RSPO2: variants seen among roughly 807,000 people sequenced by gnomAD.
The protein encoded by RSPO2 is R-spondin 2.
Under a neutral mutation model 30.9 loss-of-function variants are expected in RSPO2, and 14 were observed. The observed-to-expected ratio is 0.45, with a 90% CI of 0.30 to 0.71. RSPO2 has a LOEUF of 0.71. RSPO2 is among the 30% of genes least tolerant of loss of function. The pLI is 0.08. For missense variants in RSPO2, 264 were observed against 301.9 expected (o/e 0.87, Z 0.93); for synonymous variants, 107 against 96.4 (o/e 1.11, Z -0.64).
At chr8:107,972,477 T>G (rs1397850439) in intron 3 of RSPO2, among the ~76,000 whole-genome samples, 1 of 152,108 alleles carries the variant, frequency 6.6e-6, no homozygotes, top group Non-Finnish European at 1.5e-5. Context: ...ATAGCATAAT[T>G]CTGTAACAAA....
chr8:108,037,711 T>C (rs1429178438), intron 2 of RSPO2, among the ~76,000 whole-genome samples: 2 of 152,204 alleles, frequency 1.3e-5, no homozygotes, highest in Non-Finnish European at 2.9e-5. Context: ...TGATTTGAAG[T>C]GGAGGCCAAT....
At chr8:108,015,255 A>G (rs2130596973) in intron 2 of RSPO2, among the ~76,000 whole-genome samples, 1 of 152,274 alleles carries the variant, frequency 6.6e-6, no homozygotes, top group African/African-American at 2.4e-5. Context: ...GCCTTAGGGG[A>G]AAAAATAACC....
At chr8:107,917,813 T>C (rs80049483) in intron 5 of RSPO2, among the ~76,000 whole-genome samples, 4,511 of 152,290 alleles carry the variant, frequency 0.03, 94 homozygotes, top group Non-Finnish European at 0.044. Flanking sequence ...ATAGTTATAA[T>C]TGTTATGTAA....
intron 5 of RSPO2, among the ~76,000 whole-genome samples, chr8:107,926,449 C>A (rs191087466): frequency 2.6e-5 from 4 of 151,222 alleles, no homozygotes; most frequent in Non-Finnish European, 5.9e-5. Context: ...CCATTGCTTT[C>A]GGTGTTTTAG....
At position 107,910,228 on chromosome 8, in the gene RSPO2, C is replaced by T. The variant is rs899210727; in HGVS notation, c.617-9038G>A. Among the ~76,000 whole-genome samples the T allele has an allele frequency of 4.6e-5, 7 of 152,124 alleles. No individual in the cohort carries two copies. In the East Asian group the frequency reaches 1.3e-3, roughly 29 times the overall value. Reference sequence around the variant, plus strand: ...TTGGTCTTAAATCAATAACCATTAACTAAATGAAAAACAAAAAGTAGTAGC... The same window carrying T: ...TTGGTCTTAAATCAATAACCATTAATTAAATGAAAAACAAAAAGTAGTAGC... On this transcript the variant is annotated intron_variant, in intron 5 of 5. Transcript: ENST00000276659.
At chr8:108,049,801 C>T (rs1432119043) in intron 2 of RSPO2, among the ~76,000 whole-genome samples, 2 of 152,086 alleles carry the variant, frequency 1.3e-5, no homozygotes, top group Non-Finnish European at 2.9e-5. Flanking sequence ...TCCAGTCTGT[C>T]ATTAATGGGC....
At chr8:108,045,845 G>T (rs1811894064) in intron 2 of RSPO2, among the ~76,000 whole-genome samples, 1 of 152,162 alleles carries the variant, frequency 6.6e-6, no homozygotes, top group Admixed American at 6.5e-5. Context: ...CTGCCACAGA[G>T]TCGACACTCC....
chr8:107,999,832 G>C (rs1340958699), intron 2 of RSPO2, among the ~76,000 whole-genome samples: 1 of 151,404 alleles, frequency 6.6e-6, no homozygotes. Context: ...AAAAAATGAA[G>C]AAAATTACCA....
chr8:107,939,635 T>G (rs1586561798), intron 5 of RSPO2, among the ~76,000 whole-genome samples: 1 of 152,048 alleles, frequency 6.6e-6, no homozygotes, highest in Non-Finnish European at 1.5e-5. Context: ...TGTTGTAACA[T>G]TTGTATTACT....
At chr8:107,946,883 T>C (rs1278798746) in intron 5 of RSPO2, among the ~76,000 whole-genome samples, 1 of 152,176 alleles carries the variant, frequency 6.6e-6, no homozygotes, top group African/African-American at 2.4e-5. Context: ...ACATCCACCA[T>C]CACTGAAGGT....
chr8:107,928,046 C>T (rs543380515), intron 5 of RSPO2, among the ~76,000 whole-genome samples: 1 of 152,118 alleles, frequency 6.6e-6, no homozygotes, highest in African/African-American at 2.4e-5. Context: ...GGCTCATCTG[C>T]TCTATATATA....
At chr8:107,947,368 T>C (rs376088499) in intron 5 of RSPO2, among the ~76,000 whole-genome samples, 43 of 152,188 alleles carry the variant, frequency 2.8e-4, no homozygotes, top group Non-Finnish European at 5.1e-4. Flanking sequence ...CAGATGAAAG[T>C]AGTAGTTAGA....
chr8:108,082,510 A>G, intron 2 of RSPO2, 35 bp downstream of exon 2: 2 of 1,555,246 alleles, frequency 1.3e-6, no homozygotes, highest in Non-Finnish European at 1.8e-6. Flanking sequence ...CCACCCCTGA[A>G]GCCCACCACG....
At chr8:108,025,369 CAG>C (rs1811184903) in intron 2 of RSPO2, among the ~76,000 whole-genome samples, 1 of 152,142 alleles carries the variant, frequency 6.6e-6, no homozygotes, top group Non-Finnish European at 1.5e-5. Context: ...ACATGTCAAA[CAG>C]AGAAGTTTAA....
At chr8:108,048,489 T>C (rs184666239) in intron 2 of RSPO2, among the ~76,000 whole-genome samples, 1 of 152,148 alleles carries the variant, frequency 6.6e-6, no homozygotes, top group Admixed American at 6.5e-5. Context: ...ACACTTAAAA[T>C]ATTCATTTTC....
intron 2 of RSPO2, among the ~76,000 whole-genome samples, chr8:108,003,750 A>G (rs1281884867): frequency 6.6e-6 from 1 of 152,152 alleles, no homozygotes; most frequent in Admixed American, 6.5e-5. Flanking sequence ...TTTGAAAGTA[A>G]TGCTTCTGAT....
At chr8:107,985,850 A>G (rs150324868) in intron 3 of RSPO2, among the ~76,000 whole-genome samples, 146 of 152,328 alleles carry the variant, frequency 9.6e-4, no homozygotes, top group African/African-American at 3.2e-3. Context: ...ATTGGTTTCC[A>G]TAAGTATGGT....
At chr8:107,949,985 T>C (rs1465609532) in intron 5 of RSPO2, among the ~76,000 whole-genome samples, 1 of 152,192 alleles carries the variant, frequency 6.6e-6, no homozygotes, top group Non-Finnish European at 1.5e-5. Context: ...TTTGGAAGCA[T>C]GTATGTGACA....
At chr8:107,922,336 A>G (rs1229482739) in intron 5 of RSPO2, among the ~76,000 whole-genome samples, 1 of 152,142 alleles carries the variant, frequency 6.6e-6, no homozygotes, top group East Asian at 1.9e-4. Context: ...TCAGGAATAC[A>G]ATCTCATTTA....
Sources: gnomAD v4.1 joint callset for allele counts (sites outside exome capture counted in the v4.1 genomes callset) on GRCh38, gnomAD v4.1.1 for gene constraint, MANE v1.5 for transcripts, NCBI Gene and HGNC (gene_info 2026-07-23, HGNC 2026-07-21) for gene names.